The following RTCB variants were observed in gnomAD, a reference collection of about 807,000 sequenced individuals.
The protein encoded by RTCB is RNA-splicing ligase RTCB.
Under a neutral mutation model 58.2 loss-of-function variants are expected in RTCB, and 32 were observed. The observed-to-expected ratio is 0.55, with a 90% CI of 0.41 to 0.74. The LOEUF (loss-of-function observed/expected upper bound fraction) is 0.74. Among genes scored for constraint, RTCB ranks in the 30% least tolerant of loss-of-function variants. The pLI is 0.00. For synonymous variants in RTCB, 247 were observed against 218.6 expected (o/e 1.13, Z -1.15); for missense variants, 523 against 639.0 (o/e 0.82, Z 1.96).
intron 11 of RTCB, among the ~76,000 whole-genome samples, chr22:32,391,397 T>A (rs984603120): frequency 2.1e-5 from 2 of 97,116 alleles, no homozygotes; most frequent in African/African-American, 6.9e-5. Flanking sequence ...ATAAGTAAAT[T>A]TTTTTTTTTT....
chr22:32,388,000 T>C lies in RTCB; in HGVS notation c.1510A>G (p.Lys504Glu), dbSNP rs1363973171. 1 of 1,610,140 alleles carries C rather than the reference T, an allele frequency of 6.2e-7. No homozygotes were observed. Among genetic ancestry groups the C allele is most frequent in the Non-Finnish European group, 8.5e-7 (1 of 1,176,352 alleles). ...CCCTGCTGTCCAAGGTTCTATCCTT[T>C]GATCACAGCAATTGGTCTCAGTTTA... ...AIKLRPIAVI[K>E]G The change falls in exon 12 of 12, where the codon AAA (lysine) becomes GAA (glutamate). Residue 504 changes from lysine to glutamate, a missense_variant. Coordinates refer to ENST00000216038, the MANE Select transcript of RTCB (RefSeq NM_014306.5).
rs770671346 is a variant in RTCB at position 32,412,190 on chromosome 22, C to A, written c.-34G>T. ...AAACTGTAGCAAAAACTCCCGGCTCCGCTTTGAAGAGCCGCTGCCGCGTAG... is the reference window on the plus strand; with the variant it reads ...AAACTGTAGCAAAAACTCCCGGCTCAGCTTTGAAGAGCCGCTGCCGCGTAG... On this transcript the variant is annotated 5_prime_UTR_variant, in exon 1 of 12. Transcript: ENST00000216038. 8.5e-6 allele frequency: 13 copies of A among 1,524,786 alleles called. No homozygotes were observed. Among genetic ancestry groups the A allele is most frequent in the African/African-American group, 1.4e-5 (1 of 71,280 alleles). The allele number at this position is 1,524,786 out of a possible 1,614,324, so 94.5% of individuals were successfully genotyped here.
At chr22:32,394,110 A>ACAT in intron 9 of RTCB, 108 bp from the exon 10 acceptor site, 1 of 655,678 alleles carries the variant, frequency 1.5e-6, no homozygotes, top group African/African-American at 2.1e-5. Flanking sequence ...AGAAACCCAG[A>ACAT]CTTCTTTTTT....
chr22:32,408,877 G>T, intron 1 of RTCB, 44 bp from the exon 2 acceptor site: 1 of 1,322,254 alleles, frequency 7.6e-7, no homozygotes, highest in Non-Finnish European at 1.1e-6. Flanking sequence ...GTACATGCGC[G>T]GCAAGTGTAG....
chr22:32,411,493 C>CAT (rs1386076800), intron 1 of RTCB, among the ~76,000 whole-genome samples: 2 of 152,148 alleles, frequency 1.3e-5, no homozygotes, highest in African/African-American at 4.8e-5. Context: ...ATGTCACCGA[C>CAT]AGATCCTCGA....
chr22:32,394,361 T>C lies in RTCB; in HGVS notation c.1180-359A>G, dbSNP rs572417043. 5.3e-5 allele frequency among the ~76,000 whole-genome samples: 8 copies of C among 152,172 alleles called. No homozygotes were observed. In the South Asian group the frequency reaches 1.5e-3, roughly 28 times the overall value. On this transcript the variant is annotated intron_variant, in intron 9 of 11. Transcript: ENST00000216038. ...CTCCCGAACTCGTGATTTGCCCGCCTTGGCCTCCGAAAGTGCTGGGATTAC... is the reference window on the plus strand; with the variant it reads ...CTCCCGAACTCGTGATTTGCCCGCCCTGGCCTCCGAAAGTGCTGGGATTAC...
intron 9 of RTCB, 57 bp from the exon 10 acceptor site, chr22:32,394,059 G>T: frequency 2.4e-6 from 3 of 1,225,316 alleles, no homozygotes; most frequent in Non-Finnish European, 3.6e-6. Context: ...GGCTTTTTAT[G>T]CATAAAATTT....
At chr22:32,390,463 T>C (rs1933135001) in intron 11 of RTCB, among the ~76,000 whole-genome samples, 1 of 152,202 alleles carries the variant, frequency 6.6e-6, no homozygotes, top group Admixed American at 6.5e-5. Context: ...CTTTTTTTTT[T>C]TTTGAGATGG....
intron 4 of RTCB, among the ~76,000 whole-genome samples, chr22:32,405,019 TA>T (rs1480004095): frequency 6.6e-6 from 1 of 152,110 alleles, no homozygotes; most frequent in Admixed American, 6.6e-5. Flanking sequence ...TATCCTCTTA[TA>T]TGAGTGGGTT....
chr22:32,390,387 CT>C (rs1569439633), intron 11 of RTCB, among the ~76,000 whole-genome samples: 1 of 151,982 alleles, frequency 6.6e-6, no homozygotes, highest in East Asian at 1.9e-4. Context: ...CAAATTTTAA[CT>C]GTAATTATTT....
rs1933342011 is a variant in RTCB at position 32,401,915 on chromosome 22, A to G, written c.341-12T>C. 6.2e-7 allele frequency: 1 copy of G among 1,611,944 alleles called. No individual in the cohort carries two copies. Among genetic ancestry groups the G allele is most frequent in the African/African-American group, 1.3e-5 (1 of 74,924 alleles). On this transcript the variant is annotated splice_polypyrimidine_tract_variant and intron_variant, in intron 4 of 11. Coordinates refer to ENST00000216038, the MANE Select transcript of RTCB (RefSeq NM_014306.5). ...AAACCCGACACCACCTACAAAATAG[A>G]GAAAAGTTAGCAAAACCAGCTGGTA...
rs1271933869 is a variant in RTCB at position 32,390,009 on chromosome 22, G to A, written c.1411-1910C>T. ...TTGCGCTTGCTGTTCTCTCTGCCTCGAAAGCTCACCTCCAGATGCCCAGGT... is the reference window on the plus strand; with the variant it reads ...TTGCGCTTGCTGTTCTCTCTGCCTCAAAAGCTCACCTCCAGATGCCCAGGT... On this transcript the variant is annotated intron_variant, in intron 11 of 11. Coordinates refer to ENST00000216038, the MANE Select transcript of RTCB (RefSeq NM_014306.5). 2.6e-5 allele frequency among the ~76,000 whole-genome samples: 4 copies of A among 152,000 alleles called. 1 individual carries two copies. The highest frequency in any genetic ancestry group is 5.9e-5 in the Non-Finnish European group (4 of 68,012).
chr22:32,402,845 AG>A (rs1569442279), intron 4 of RTCB, among the ~76,000 whole-genome samples: 1 of 151,994 alleles, frequency 6.6e-6, no homozygotes, highest in Non-Finnish European at 1.5e-5. Flanking sequence ...TCCCGGCTCC[AG>A]CAATCCTCTC....
chr22:32,387,938 C>G lies in RTCB; in HGVS notation c.*54G>C. On this transcript the variant is annotated 3_prime_UTR_variant, in exon 12 of 12. Transcript: ENST00000216038. The stretch of plus-strand genomic sequence containing the variant: ...CTGATGTCAGAAGAGCATGTCAGTC[C>G]ACTTCCACTTCAGAGAGGGTTGGTG... 1 of 1,147,356 alleles carries G rather than the reference C, an allele frequency of 8.7e-7. No homozygotes were observed. The highest frequency in any genetic ancestry group is 1.3e-6 in the Non-Finnish European group (1 of 757,348). The allele number at this position is 1,147,356 out of a possible 1,614,324, so 71.1% of individuals were successfully genotyped here.
rs761066121 is a variant in RTCB, at chr22:32,401,935, C to A, written c.341-32G>T. The A allele has an allele frequency of 1.9e-6, 3 of 1,609,338 alleles. No homozygotes were observed. In the South Asian group the frequency reaches 3.3e-5, roughly 18 times the overall value. On this transcript the variant is annotated intron_variant, in intron 4 of 11. Coordinates refer to ENST00000216038, the MANE Select transcript of RTCB (RefSeq NM_014306.5). ...AATAGAGAAAAGTTAGCAAAACCAG[C>A]TGGTAAGGCACTGTTACCTGCAGTT... is the stretch of plus-strand genomic sequence containing the variant.
rs1933167031 is a variant in RTCB, at chr22:32,392,366, T to C, written c.1291-7A>G. The C allele has an allele frequency of 6.2e-7, 1 of 1,613,538 alleles. No individual in the cohort carries two copies. The highest frequency in any genetic ancestry group is 8.5e-7 in the Non-Finnish European group (1 of 1,179,696). On this transcript the variant is annotated splice_polypyrimidine_tract_variant and splice_region_variant and intron_variant, in intron 10 of 11. Coordinates refer to ENST00000216038, the MANE Select transcript of RTCB (RefSeq NM_014306.5). ...CTCGGGACAATGCACGGCCCTAGAA[T>C]GGGAAAGGAATGAACTTTACTTTAA...
At chr22:32,406,437 C>T (rs1299305454) in intron 4 of RTCB, among the ~76,000 whole-genome samples, 1 of 152,076 alleles carries the variant, frequency 6.6e-6, no homozygotes, top group Non-Finnish European at 1.5e-5. Context: ...ATTCTCCTGC[C>T]TCAGCCTCCC....
chr22:32,407,200 T>C (rs1933440153), intron 3 of RTCB: 1 of 160,498 alleles, frequency 6.2e-6, no homozygotes, highest in Non-Finnish European at 1.4e-5. Flanking sequence ...TACTGTAGAC[T>C]TCCTACATGT....
chr22:32,392,351 T>C lies in RTCB; in HGVS notation c.1299A>G (p.Ala433=), dbSNP rs1340089407. Residue 433 remains alanine, a synonymous_variant, in exon 11 of 12, where the codon GCA becomes GCG. Transcript: ENST00000216038. Reference sequence around the variant, plus strand: ...TACGTCGAGATTTTGCTCGGGACAATGCACGGCCCTAGAATGGGAAAGGAA... The same window carrying C: ...TACGTCGAGATTTTGCTCGGGACAACGCACGGCCCTAGAATGGGAAAGGAA... ...FGTTCHGAGR[A]LSRAKSRRNL... is the part of the protein sequence containing the mutation. 4 of 1,613,982 alleles carry C rather than the reference T, an allele frequency of 2.5e-6. No individual in the cohort carries two copies. The highest frequency in any genetic ancestry group is 3.3e-5 in the Admixed American group (2 of 59,964).
Sources: gnomAD v4.1 joint callset for allele counts (sites outside exome capture counted in the v4.1 genomes callset) on GRCh38, gnomAD v4.1.1 for gene constraint, MANE v1.5 for transcripts, NCBI Gene and HGNC (gene_info 2026-07-23, HGNC 2026-07-21) for gene names.